The following ANKRD40CL variants were observed in gnomAD, a reference collection of about 807,000 sequenced individuals.
ANKRD40CL encodes the protein ANKRD40 C-terminal like, also known as putative ANKRD40 C-terminal-like protein.
For missense variants in ANKRD40CL, 11 were observed against 6.4 expected, an observed-to-expected ratio of 1.71 and a Z score of -0.77; for synonymous variants, 5 against 2.3, an observed-to-expected ratio of 2.14 and a Z score of -1.04.
chr17:50,766,062 T>A (rs938412122), intron 2 of ANKRD40CL, among the ~76,000 whole-genome samples: 2 of 152,160 alleles, frequency 1.3e-5, no homozygotes, highest in Non-Finnish European at 2.9e-5. Context: ...GTCAGCCCTG[T>A]TTGTGCCACC....
chr17:50,763,940 G>A, intron 2 of ANKRD40CL: 1 of 389,722 alleles, frequency 2.6e-6, no homozygotes, highest in East Asian at 3.7e-5. Flanking sequence ...GGGGGCCCTG[G>A]TGTCCTTAAA....
chr17:50,765,260 T>C (rs1971279119), intron 2 of ANKRD40CL, among the ~76,000 whole-genome samples: 1 of 152,258 alleles, frequency 6.6e-6, no homozygotes, highest in Non-Finnish European at 1.5e-5. Flanking sequence ...TGTTTTTACT[T>C]TTTAAAACAT....
chr17:50,766,289 G>A (rs963400377), intron 2 of ANKRD40CL, among the ~76,000 whole-genome samples: 1 of 152,122 alleles, frequency 6.6e-6, no homozygotes, highest in Non-Finnish European at 1.5e-5. Flanking sequence ...ACCTGATATC[G>A]ATACCTGATA....
chr17:50,763,294 C>A (rs1971236204), intron 3 of ANKRD40CL, 103 bp downstream of exon 3: 1 of 398,364 alleles, frequency 2.5e-6, no homozygotes, highest in Non-Finnish European at 4.4e-6. Context: ...CGTTTTGCAG[C>A]CAGGATTTCT....
In ANKRD40CL at chr17:50,766,904, GT is replaced by G; in HGVS notation, c.9del (p.Glu3AspfsTer27). On this transcript the variant is annotated frameshift_variant, in exon 2 of 4. Transcript: ENST00000450727. LOFTEE classifies it high-confidence loss of function. ...GGCTTCTCCCCGATGTCCTGTTCCG[GT>G]TCAGCCATGAGTCACCTCTAGTCCG... MA[E>X]PEQDIGEKPA... 1.5e-6 allele frequency: 1 copy of G among 688,284 alleles called. No homozygotes were observed. 42.6% of individuals were successfully genotyped at this position (688,284 alleles called of 1,614,324 possible).
Position 50,761,439 on chromosome 17 carries a change from G to A in ANKRD40CL, c.269C>T (p.Ser90Phe), listed in dbSNP as rs1452676044. 1.3e-5 allele frequency: 5 copies of A among 398,914 alleles called. No homozygotes were observed. The highest frequency in any genetic ancestry group is 6.3e-4 in the Middle Eastern group (1 of 1,588). 24.7% of individuals were successfully genotyped at this position (398,914 alleles called of 1,614,324 possible). A position where few individuals can be genotyped will look rare whatever the true frequency, so the allele number is the denominator to read the frequency against. Reference protein sequence around the residue: ...VELILMKNGSSRLTEYVPSLT... With the variant: ...VELILMKNGSFRLTEYVPSLT... Reference sequence around the variant, plus strand: ...AGATGGCACATATTCTGTCAATCTGGAGCTTCCATTTTTCATTAAAATGAG... The same window carrying A: ...AGATGGCACATATTCTGTCAATCTGAAGCTTCCATTTTTCATTAAAATGAG... Residue 90 changes from serine (S) to phenylalanine (F), a missense_variant, in exon 4 of 4, where the codon TCC (serine) becomes TTC (phenylalanine). Ser to Phe is a radical substitution (Grantham distance 155). Transcript: ENST00000450727.
At chr17:50,767,351 C>T in intron 1 of ANKRD40CL, 112 bp downstream of exon 1, 1 of 359,988 alleles carries the variant, frequency 2.8e-6, no homozygotes, top group Non-Finnish European at 5.5e-6. Flanking sequence ...AAACCAAACA[C>T]TTTGTTTCTC....
intron 1 of ANKRD40CL, 130 bp from the exon 2 acceptor site, chr17:50,767,141 G>A (rs907833811): frequency 5.9e-6 from 4 of 674,496 alleles, no homozygotes; most frequent in African/African-American, 5.4e-5. Context: ...AGTGAAGGAA[G>A]GTACTGAAGT....
intron 3 of ANKRD40CL, among the ~76,000 whole-genome samples, chr17:50,761,877 C>G (rs1971206971): frequency 6.6e-6 from 1 of 152,098 alleles, no homozygotes; most frequent in Non-Finnish European, 1.5e-5. Context: ...CCCACCTGGG[C>G]CTCCCAAAAT....
intron 2 of ANKRD40CL, 106 bp downstream of exon 2, chr17:50,766,768 G>A: frequency 1.7e-6 from 1 of 581,956 alleles, no homozygotes; most frequent in Admixed American, 3.0e-5. Flanking sequence ...AGTGGCGGAG[G>A]CCACAGGGCA....
At chr17:50,761,918 C>T (rs545150085) in intron 3 of ANKRD40CL, among the ~76,000 whole-genome samples, 32 of 152,054 alleles carry the variant, frequency 2.1e-4, no homozygotes, top group South Asian at 2.1e-3. Context: ...CCACTGCGCC[C>T]GGTCCCCATA....
chr17:50,764,122 A>G, intron 2 of ANKRD40CL: 1 of 398,728 alleles, frequency 2.5e-6, no homozygotes, highest in East Asian at 3.6e-5. Context: ...GCAGATGGTC[A>G]GTTTGGCTTT....
chr17:50,766,070 A>G (rs1477546598), intron 2 of ANKRD40CL, among the ~76,000 whole-genome samples: 3 of 152,094 alleles, frequency 2.0e-5, no homozygotes, highest in Non-Finnish European at 4.4e-5. Context: ...TGTTTGTGCC[A>G]CCCTGCCAGA....
chr17:50,761,644 G>A (rs755968276), intron 3 of ANKRD40CL, 138 bp from the exon 4 acceptor site: 27 of 365,872 alleles, frequency 7.4e-5, no homozygotes, highest in African/African-American at 1.5e-4. Flanking sequence ...TGCTTTTGTC[G>A]CCCAGGCTGG....
intron 2 of ANKRD40CL, chr17:50,764,096 A>G (rs776448596): frequency 2.5e-6 from 1 of 398,668 alleles, no homozygotes; most frequent in Non-Finnish European, 4.4e-6. Flanking sequence ...GTATGAACTA[A>G]AAGTCCAAAT....
Position 50,761,219 on chromosome 17 carries a change from T to A in ANKRD40CL, c.*144A>T, listed in dbSNP as rs1390699767. On this transcript the variant is annotated 3_prime_UTR_variant, in exon 4 of 4. Transcript: ENST00000450727. ...CACCACACCTAGCTAATTTTTGTAT[T>A]TTTTTTAGTAGAGACTGGGTTTCAC... 2.7e-6 allele frequency: 1 copy of A among 371,542 alleles called. No individual in the cohort carries two copies. The highest frequency in any genetic ancestry group is 4.8e-6 in the Non-Finnish European group (1 of 209,750). 23.0% of individuals were successfully genotyped at this position (371,542 alleles called of 1,614,324 possible). A position where few individuals can be genotyped will look rare whatever the true frequency, so the allele number is the denominator to read the frequency against.
At chr17:50,764,708 T>G (rs1220703000) in intron 2 of ANKRD40CL, 1 of 152,420 alleles carries the variant, frequency 6.6e-6, no homozygotes, top group Admixed American at 6.5e-5. Flanking sequence ...TCTTACAATA[T>G]CCACTGAACA....
chr17:50,764,153 C>T (rs1045088234), intron 2 of ANKRD40CL: 2 of 398,592 alleles, frequency 5.0e-6, no homozygotes, highest in African/African-American at 4.1e-5. Context: ...CACATAGGGG[C>T]TGAGTCTTCA....
intron 1 of ANKRD40CL, 72 bp from the exon 2 acceptor site, chr17:50,767,083 G>T: frequency 1.5e-6 from 1 of 689,552 alleles, no homozygotes; most frequent in Middle Eastern, 2.3e-4. Context: ...TTTATAGATA[G>T]GGAAAAGGAG....
Sources: allele counts gnomAD v4.1 joint callset (sites outside exome capture counted in the v4.1 genomes callset), GRCh38; gene constraint gnomAD v4.1.1; transcripts MANE v1.5; gene names NCBI Gene and HGNC (gene_info 2026-07-23, HGNC 2026-07-21).